Variants in CYB5R4 observed in about 807,000 individuals in gnomAD.
The protein encoded by CYB5R4 is N-terminal cytochrome b5 and cytochrome b5 oxidoreductase domain-containing protein.
CYB5R4 carries 55 observed loss-of-function variants against 70.2 expected under a neutral mutation model. That is an observed-to-expected ratio of 0.78 (90% CI 0.63 to 0.98). The LOEUF (loss-of-function observed/expected upper bound fraction) is 0.98, where lower values mean the gene tolerates loss of function less well. CYB5R4 is among the 50% of genes least tolerant of loss of function. The pLI is 0.00. For synonymous variants in CYB5R4, 197 were observed against 199.5 expected, an observed-to-expected ratio of 0.99 and a Z score of 0.11; for missense variants, 562 against 612.6, an observed-to-expected ratio of 0.92 and a Z score of 0.87.
At chr6:83,908,849 A>G (rs1415686416) in intron 3 of CYB5R4, among the ~76,000 whole-genome samples, 160 bp from the exon 4 acceptor site, 1 of 152,250 alleles carries the variant, frequency 6.6e-6, no homozygotes, top group East Asian at 1.9e-4. Flanking sequence ...CTATCTGTGC[A>G]GCCTTTCTAT....
intron 2 of CYB5R4, among the ~76,000 whole-genome samples, chr6:83,885,489 C>A (rs913837775): frequency 7.2e-5 from 11 of 152,166 alleles, no homozygotes; most frequent in Admixed American, 5.9e-4. Context: ...ATACAGTTCA[C>A]TCCTTATTGG....
At chr6:83,912,811 G>A (rs2099464896) in intron 4 of CYB5R4, among the ~76,000 whole-genome samples, 1 of 152,280 alleles carries the variant, frequency 6.6e-6, no homozygotes, top group South Asian at 2.1e-4. Flanking sequence ...CAGAGTAGGA[G>A]AATTTTTAAA....
At chr6:83,922,590 C>A in intron 9 of CYB5R4, 120 bp downstream of exon 9, 2 of 680,432 alleles carry the variant, frequency 2.9e-6, no homozygotes, top group East Asian at 2.7e-5. Context: ...TATATTTTCA[C>A]ATTGCAAAAC....
At chr6:83,912,281 C>T (rs189244676) in intron 4 of CYB5R4, among the ~76,000 whole-genome samples, 24 of 152,152 alleles carry the variant, frequency 1.6e-4, no homozygotes, top group Non-Finnish European at 3.5e-4. Context: ...GATAAGCAGA[C>T]TGAATATATT....
At chr6:83,906,217 C>T (rs1388946444) in intron 3 of CYB5R4, among the ~76,000 whole-genome samples, 2 of 152,190 alleles carry the variant, frequency 1.3e-5, no homozygotes, top group Non-Finnish European at 2.9e-5. Flanking sequence ...TGTTCTTCAG[C>T]CCTGGTGACT....
chr6:83,897,027 A>G (rs1393389879), intron 3 of CYB5R4, among the ~76,000 whole-genome samples: 2 of 152,076 alleles, frequency 1.3e-5, no homozygotes, highest in Non-Finnish European at 2.9e-5. Context: ...ATAATTTATC[A>G]TTAGGTATAT....
intron 2 of CYB5R4, among the ~76,000 whole-genome samples, chr6:83,874,127 TCCCC>T (rs1371482905): frequency 2.4e-4 from 7 of 28,988 alleles, no homozygotes; most frequent in Admixed American, 1.4e-3. Context: ...TCCCCTCCTC[TCCCC>T]TCCCCTCCCT....
intron 3 of CYB5R4, among the ~76,000 whole-genome samples, chr6:83,897,127 T>A (rs1039370362): frequency 6.6e-6 from 1 of 151,640 alleles, no homozygotes; most frequent in African/African-American, 2.4e-5. Flanking sequence ...GTTCTCATTG[T>A]TCAATTCCCA....
chr6:83,921,075 C>T lies in CYB5R4; in HGVS notation c.565-7C>T, dbSNP rs200167939. 118 of 1,485,326 alleles carry T rather than the reference C, an allele frequency of 7.9e-5. No homozygotes were observed. The East Asian group carries it at 2.4e-3, about 30-fold the overall frequency. 92.0% of individuals were successfully genotyped at this position (1,485,326 alleles called of 1,614,324 possible). A position where few individuals can be genotyped will look rare whatever the true frequency, so the allele number is the denominator to read the frequency against. On this transcript the variant is annotated splice_region_variant and splice_polypyrimidine_tract_variant and intron_variant, in intron 7 of 15. Coordinates refer to ENST00000369681, the MANE Select transcript of CYB5R4 (RefSeq NM_016230.4). ...TCTAATCTTTCTATTTTTGCTTTCTCTTTAAGGATATCAATTTAGACTCAA... is the reference window on the plus strand; with the variant it reads ...TCTAATCTTTCTATTTTTGCTTTCTTTTTAAGGATATCAATTTAGACTCAA...
chr6:83,887,105 G>A (rs1320126713), intron 2 of CYB5R4, among the ~76,000 whole-genome samples: 1 of 152,130 alleles, frequency 6.6e-6, no homozygotes, highest in African/African-American at 2.4e-5. Flanking sequence ...TCTTTCAAGA[G>A]AGAAAGAATT....
chr6:83,922,415 C>G (rs766178949), intron 8 of CYB5R4, 23 bp from the exon 9 acceptor site: 2 of 1,603,430 alleles, frequency 1.2e-6, no homozygotes, highest in Non-Finnish European at 1.7e-6. Flanking sequence ...TCTATTTTAA[C>G]TAAATAAATT....
At chr6:83,870,971 C>CTTTTTTTTTTTTTTTTTTTT (rs759131653) in intron 2 of CYB5R4, among the ~76,000 whole-genome samples, 1 of 88,616 alleles carries the variant, frequency 1.1e-5, no homozygotes, top group African/African-American at 4.9e-5. Flanking sequence ...TCATTGTTTG[C>CTTTTTTTTTTTTTTTTTTTT]TTTTTTTTTT....
chr6:83,880,543 T>C (rs1374989023), intron 2 of CYB5R4, among the ~76,000 whole-genome samples: 1 of 152,212 alleles, frequency 6.6e-6, no homozygotes. Flanking sequence ...GTAAATCCGA[T>C]TTAATTATTG....
intron 15 of CYB5R4, among the ~76,000 whole-genome samples, chr6:83,957,553 G>A (rs572730076): frequency 1.6e-4 from 24 of 150,346 alleles, no homozygotes; most frequent in Admixed American, 8.7e-4. Flanking sequence ...TCTAGGAGGC[G>A]GAGGTTGGCA....
chr6:83,897,932 A>G (rs982541111), intron 3 of CYB5R4, among the ~76,000 whole-genome samples: 1 of 152,080 alleles, frequency 6.6e-6, no homozygotes, highest in African/African-American at 2.4e-5. Flanking sequence ...TTGTGTTGCC[A>G]TTGCTTTTGA....
chr6:83,948,519 T>G (rs2099471005), intron 14 of CYB5R4, among the ~76,000 whole-genome samples: 1 of 151,980 alleles, frequency 6.6e-6, no homozygotes. Context: ...AATAATTTTT[T>G]TAAAAAGTAA....
chr6:83,900,358 A>T (rs970691754), intron 3 of CYB5R4, among the ~76,000 whole-genome samples: 2 of 152,052 alleles, frequency 1.3e-5, no homozygotes, highest in African/African-American at 4.8e-5. Context: ...CTGTTCTTTT[A>T]CTTTTGCTGA....
intron 12 of CYB5R4, among the ~76,000 whole-genome samples, chr6:83,939,721 T>C (rs1465288179): frequency 1.3e-5 from 2 of 152,182 alleles, no homozygotes; most frequent in African/African-American, 2.4e-5. Context: ...AATCAATCCT[T>C]TATTGATAAT....
chr6:83,919,400 T>C lies in CYB5R4; in HGVS notation c.510T>C (p.Tyr170=). ...LAKEGPSYPS[Y]DWFQTDSLVT... is the part of the protein sequence containing the mutation. ...TCCTTTTATTTATATTTTACAGCTA[T>C]GATTGGTTCCAAACAGACTCTTTAG... Residue 170 remains tyrosine (Y), a synonymous_variant, in exon 7 of 16, where the codon TAT becomes TAC. Coordinates refer to ENST00000369681, the MANE Select transcript of CYB5R4 (RefSeq NM_016230.4). 2.7e-6 allele frequency: 4 copies of C among 1,488,658 alleles called. No individual in the cohort carries two copies. The highest frequency in any genetic ancestry group is 3.7e-6 in the Non-Finnish European group (4 of 1,089,560). 92.2% of individuals were successfully genotyped at this position (1,488,658 alleles called of 1,614,324 possible). A position where few individuals can be genotyped will look rare whatever the true frequency, so the allele number is the denominator to read the frequency against.
Sources: gnomAD v4.1 joint callset for allele counts (sites outside exome capture counted in the v4.1 genomes callset) on GRCh38, gnomAD v4.1.1 for gene constraint, MANE v1.5 for transcripts, NCBI Gene and HGNC (gene_info 2026-07-23, HGNC 2026-07-21) for gene names.